The following CLEC5A variants were observed in gnomAD, a reference collection of about 807,000 sequenced individuals.
CLEC5A encodes the protein C-type lectin domain containing 5A.
CLEC5A carries 15 observed loss-of-function variants against 24.4 expected under a neutral mutation model. The observed-to-expected ratio is 0.62, with a 90% CI of 0.41 to 0.95. CLEC5A has a LOEUF of 0.95. Among genes scored for constraint, CLEC5A ranks in the 40% least tolerant of loss-of-function variants. CLEC5A has a pLI of 0.00. For synonymous variants in CLEC5A, 71 were observed against 72.6 expected (o/e 0.98, Z 0.11); for missense variants, 211 against 224.0 (o/e 0.94, Z 0.37).
At chr7:141,946,550 G>T (rs1337552894) in intron 1 of CLEC5A, among the ~76,000 whole-genome samples, 1 of 152,144 alleles carries the variant, frequency 6.6e-6, no homozygotes, top group African/African-American at 2.4e-5. Context: ...CCTACTCCAG[G>T]CCTCAGCCTT....
At chr7:141,940,640 C>T (rs535342583) in intron 4 of CLEC5A, among the ~76,000 whole-genome samples, 82 of 150,770 alleles carry the variant, frequency 5.4e-4, no homozygotes, top group African/African-American at 1.5e-3. Flanking sequence ...CAACAAAAGT[C>T]GGCTTTTTGA....
At chr7:141,943,632 C>T (rs951377294) in intron 4 of CLEC5A, among the ~76,000 whole-genome samples, 1 of 151,972 alleles carries the variant, frequency 6.6e-6, no homozygotes, top group Non-Finnish European at 1.5e-5. Flanking sequence ...ATGGATACTC[C>T]ATTTACCCTG....
rs1304468053 is a variant in CLEC5A at position 141,928,201 on chromosome 7, G to C, written c.*1903C>G. On this transcript the variant is annotated 3_prime_UTR_variant, in exon 7 of 7. Transcript: ENST00000546910. The stretch of plus-strand genomic sequence containing the variant: ...TATCTACTCCCCACTCCCACCCCAG[G>C]CCATTGGGCTCCTTTTAGAACCTGC... 6.6e-6 allele frequency: 1 copy of C among 152,366 alleles called. No homozygotes were observed. Among genetic ancestry groups the C allele is most frequent in the Admixed American group, 6.5e-5 (1 of 15,272 alleles). The allele number at this position is 152,366 out of a possible 1,614,324, so 9.4% of individuals were successfully genotyped here.
rs782692567 is a variant in CLEC5A at position 141,930,036 on chromosome 7, A to T, written c.*68T>A. On this transcript the variant is annotated 3_prime_UTR_variant, in exon 7 of 7. Transcript: ENST00000546910. ...AGACAGATAGGTAAGTAAAAGAATCATTGGCCAGACGACCTGTATGGATTC... is the reference window on the plus strand; with the variant it reads ...AGACAGATAGGTAAGTAAAAGAATCTTTGGCCAGACGACCTGTATGGATTC... The T allele has an allele frequency of 7.9e-5, 99 of 1,248,074 alleles. No homozygotes were observed. The highest frequency in any genetic ancestry group is 1.1e-4 in the Non-Finnish European group (94 of 867,186). 77.3% of individuals were successfully genotyped at this position (1,248,074 alleles called of 1,614,324 possible). A position where few individuals can be genotyped will look rare whatever the true frequency, so the allele number is the denominator to read the frequency against.
intron 4 of CLEC5A, among the ~76,000 whole-genome samples, chr7:141,943,103 A>G (rs1802846397): frequency 2.0e-5 from 3 of 152,174 alleles, no homozygotes. Flanking sequence ...AAATCAGTAT[A>G]TTGAAGAGAC....
Position 141,930,243 on chromosome 7 carries a change from AAAAC to A in CLEC5A, c.453-29_453-26del, listed in dbSNP as rs142910927. On this transcript the variant is annotated intron_variant, in intron 6 of 6. Coordinates refer to ENST00000546910, the MANE Select transcript of CLEC5A (RefSeq NM_013252.3). ...ACTAAATGAGAAAACAAAACAAAAC[AAAAC>A]AAACAAACAAAAAACAAAGCATGGT... 1.9e-4 allele frequency: 290 copies of A among 1,556,970 alleles called. No individual in the cohort carries two copies. The African/African-American group carries it at 3.5e-3, about 19-fold the overall frequency.
intron 3 of CLEC5A, 51 bp from the exon 4 acceptor site, chr7:141,944,015 A>G (rs782081549): frequency 1.9e-6 from 2 of 1,065,088 alleles, no homozygotes; most frequent in African/African-American, 1.6e-5. Context: ...TACAACACAG[A>G]AACAGAAACA....
chr7:141,934,613 G>GTTTTTTTTTT (rs577797546), intron 5 of CLEC5A, among the ~76,000 whole-genome samples: 4 of 61,786 alleles, frequency 6.5e-5, no homozygotes, highest in African/African-American at 2.6e-4. Context: ...TTTCTTTAAC[G>GTTTTTTTTTT]TTTTTTTTTT....
At chr7:141,934,013 C>G (rs1259474161) in intron 5 of CLEC5A, among the ~76,000 whole-genome samples, 1 of 152,158 alleles carries the variant, frequency 6.6e-6, no homozygotes, top group African/African-American at 2.4e-5. Flanking sequence ...GTGTATGGCC[C>G]CCTGAGTGTT....
At chr7:141,932,566 T>C (rs1802498694) in intron 5 of CLEC5A, among the ~76,000 whole-genome samples, 1 of 152,240 alleles carries the variant, frequency 6.6e-6, no homozygotes, top group Non-Finnish European at 1.5e-5. Flanking sequence ...TTCAATGTTC[T>C]CCTTTTCTGA....
intron 4 of CLEC5A, among the ~76,000 whole-genome samples, chr7:141,939,409 T>C (rs1393875949): frequency 6.6e-6 from 1 of 151,822 alleles, no homozygotes; most frequent in African/African-American, 2.4e-5. Flanking sequence ...CATAGTAACC[T>C]TGAATCAAAA....
chr7:141,937,345 A>G (rs1470456880), intron 4 of CLEC5A, among the ~76,000 whole-genome samples: 1 of 152,068 alleles, frequency 6.6e-6, no homozygotes, highest in South Asian at 2.1e-4. Context: ...CAAGCTGACC[A>G]AACAGCCCCT....
intron 4 of CLEC5A, among the ~76,000 whole-genome samples, chr7:141,943,065 A>G (rs1341649534): frequency 1.3e-5 from 2 of 152,128 alleles, no homozygotes; most frequent in Non-Finnish European, 2.9e-5. Context: ...CAGCAATTAC[A>G]CTCTTAAGTA....
At chr7:141,942,946 G>C (rs1802840835) in intron 4 of CLEC5A, among the ~76,000 whole-genome samples, 1 of 152,122 alleles carries the variant, frequency 6.6e-6, no homozygotes, top group Non-Finnish European at 1.5e-5. Context: ...GAAAGGATTT[G>C]GAGAAAAGAG....
chr7:141,945,685 A>T (rs1802932821), intron 2 of CLEC5A: 1 of 465,974 alleles, frequency 2.1e-6, no homozygotes, highest in African/African-American at 2.0e-5. Context: ...TTCCTCATTT[A>T]TTTTCCCTAC....
intron 1 of CLEC5A, 35 bp from the exon 2 acceptor site, chr7:141,946,347 G>T: frequency 6.5e-7 from 1 of 1,539,142 alleles, no homozygotes; most frequent in Non-Finnish European, 8.8e-7. Flanking sequence ...ATCAGAATTC[G>T]GGTACAAGGC....
chr7:141,930,467 T>C (rs12539499), intron 6 of CLEC5A, among the ~76,000 whole-genome samples: 35,702 of 152,150 alleles, frequency 0.23, 4,998 homozygotes, highest in East Asian at 0.45. Flanking sequence ...TCAGCTCTCC[T>C]GTGAGCGTGT....
At chr7:141,935,160 G>A (rs781908680) in intron 5 of CLEC5A, among the ~76,000 whole-genome samples, 4 of 152,216 alleles carry the variant, frequency 2.6e-5, no homozygotes, top group Admixed American at 1.3e-4. Flanking sequence ...TAAAGGGATA[G>A]AAGCGAGAGA....
In CLEC5A at chr7:141,930,238, A is replaced by C. The variant is rs1409956318; in HGVS notation, c.453-20T>G. 1 of 1,573,312 alleles carries C rather than the reference A, an allele frequency of 6.4e-7. No homozygotes were observed. The highest frequency in any genetic ancestry group is 1.4e-5 in the African/African-American group (1 of 74,002). ...GTAACACTAAATGAGAAAACAAAAC[A>C]AAACAAAACAAACAAACAAAAAACA... is the stretch of plus-strand genomic sequence containing the variant. On this transcript the variant is annotated intron_variant, in intron 6 of 6. Coordinates refer to ENST00000546910, the MANE Select transcript of CLEC5A (RefSeq NM_013252.3).
Sources: gnomAD v4.1 joint callset for allele counts (sites outside exome capture counted in the v4.1 genomes callset) on GRCh38, gnomAD v4.1.1 for gene constraint, MANE v1.5 for transcripts, NCBI Gene and HGNC (gene_info 2026-07-23, HGNC 2026-07-21) for gene names.